Variants in HLTF observed in about 807,000 individuals in gnomAD.
The protein encoded by HLTF is DNA-dependent ATPase/E3 ubiquitin-protein ligase HLTF.
In HLTF, 127 loss-of-function variants were observed where a neutral mutation model predicts 129.4. The observed-to-expected ratio is 0.98, with a 90% CI of 0.85 to 1.14. The LOEUF is 1.14. Among genes scored for constraint, HLTF ranks in the 50% most tolerant of loss-of-function variants. HLTF has a pLI of 0.00. For missense variants in HLTF, 1,139 were observed against 1,187.1 expected (o/e 0.96, Z 0.60); for synonymous variants, 332 against 388.8 (o/e 0.85, Z 1.72).
intron 2 of HLTF, among the ~76,000 whole-genome samples, chr3:149,077,583 A>G (rs944095440): frequency 2.6e-5 from 4 of 151,794 alleles, no homozygotes; most frequent in African/African-American, 9.7e-5. Context: ...AAAGGCTTAT[A>G]AAGAAGAGCT....
intron 12 of HLTF, 107 bp from the exon 13 acceptor site, chr3:149,059,914 G>C: frequency 1.4e-6 from 1 of 693,876 alleles, no homozygotes; most frequent in Non-Finnish European, 2.5e-6. Context: ...ACCCTCTATT[G>C]TAAGAGCTTA....
At chr3:149,074,629 G>A (rs1312469529) in intron 3 of HLTF, among the ~76,000 whole-genome samples, 2 of 152,116 alleles carry the variant, frequency 1.3e-5, no homozygotes, top group Non-Finnish European at 2.9e-5. Flanking sequence ...TGTAATATAA[G>A]TAAAATAAGT....
chr3:149,074,354 A>G lies in HLTF; in HGVS notation c.396-6T>C. The stretch of plus-strand genomic sequence containing the variant: ...TTGCACCAAAAGGAACTACCCTATT[A>G]TATTTGGGAGAAAAAGAAAGGGAAA... On this transcript the variant is annotated splice_region_variant and splice_polypyrimidine_tract_variant and intron_variant, in intron 3 of 24. Coordinates refer to ENST00000310053, the MANE Select transcript of HLTF (RefSeq NM_003071.4). 6 of 1,592,014 alleles carry G rather than the reference A, an allele frequency of 3.8e-6. No homozygotes were observed. Among genetic ancestry groups the G allele is most frequent in the East Asian group, 2.2e-5 (1 of 44,704 alleles).
At chr3:149,074,150 T>G in intron 4 of HLTF, 65 bp downstream of exon 4, 4 of 1,485,542 alleles carry the variant, frequency 2.7e-6, no homozygotes, top group Non-Finnish European at 3.6e-6. Context: ...CAAGAGAGAA[T>G]AAATGTTTCA....
Position 149,076,047 on chromosome 3 carries a change from C to A in HLTF, c.229G>T (p.Val77Phe). The A allele has an allele frequency of 2.5e-6, 3 of 1,193,192 alleles. No homozygotes were observed. Among genetic ancestry groups the A allele is most frequent in the South Asian group, 1.4e-5 (1 of 71,068 alleles). The allele number at this position is 1,193,192 out of a possible 1,614,324, so 73.9% of individuals were successfully genotyped here. The change falls in exon 3 of 25, where the codon GTT (valine) becomes TTT (phenylalanine). Residue 77 changes from valine (V) to phenylalanine (F), a missense_variant and splice_region_variant. Transcript: ENST00000310053. The part of the protein sequence containing the change: ...VVGLRYYTGV[V>F]NNNEMVALQR... ...AATGCAACCATTTCATTATTATTAACCTAATAAAAATGATAAACAGATAAT... is the reference window on the plus strand; with the variant it reads ...AATGCAACCATTTCATTATTATTAAACTAATAAAAATGATAAACAGATAAT...
intron 16 of HLTF, among the ~76,000 whole-genome samples, chr3:149,048,560 A>G (rs1716736451): frequency 6.6e-6 from 1 of 152,194 alleles, no homozygotes; most frequent in South Asian, 2.1e-4. Context: ...GAGGATGGGA[A>G]ACAGAAATCA....
chr3:149,075,782 T>C, intron 3 of HLTF, 99 bp downstream of exon 3: 1 of 660,108 alleles, frequency 1.5e-6, no homozygotes, highest in Non-Finnish European at 2.4e-6. Context: ...GTGATAGAAA[T>C]TGTTAGCATA....
At chr3:149,044,476 C>T (rs1428301176) in intron 18 of HLTF, among the ~76,000 whole-genome samples, 1 of 152,122 alleles carries the variant, frequency 6.6e-6, no homozygotes, top group Non-Finnish European at 1.5e-5. Flanking sequence ...TCCTATTTCA[C>T]CAGCCATTGC....
chr3:149,058,198 A>C (rs1717634830), intron 13 of HLTF, among the ~76,000 whole-genome samples: 1 of 152,192 alleles, frequency 6.6e-6, no homozygotes, highest in Non-Finnish European at 1.5e-5. Context: ...CCCAGGCTCA[A>C]GTAGCTGGGA....
At chr3:149,050,175 T>A (rs1716867033) in intron 15 of HLTF, 57 bp downstream of exon 15, 1 of 1,158,104 alleles carries the variant, frequency 8.6e-7, no homozygotes, top group Non-Finnish European at 1.2e-6. Flanking sequence ...TAGAAACCTG[T>A]GGCATATTTC....
At chr3:149,073,853 C>T (rs1039086941) in intron 4 of HLTF, among the ~76,000 whole-genome samples, 10 of 152,090 alleles carry the variant, frequency 6.6e-5, no homozygotes, top group Admixed American at 3.3e-4. Context: ...CCTTTTCATT[C>T]GCTATCAGAA....
At position 149,068,255 on chromosome 3, in the gene HLTF, CT is replaced by C; in HGVS notation, c.974del (p.Lys325ArgfsTer4). Reference sequence around the variant, plus strand: ...ACTACTTTACCTTCTTCAGTAGATTCTTTTTAACTCTTTCAATAGGAAGAGG... The same window carrying C: ...ACTACTTTACCTTCTTCAGTAGATTCTTTTAACTCTTTCAATAGGAAGAGG... ...GRPLPIERVK[K>X]NLLKKEYNVN... On this transcript the variant is annotated frameshift_variant, in exon 8 of 25. Coordinates refer to ENST00000310053, the MANE Select transcript of HLTF (RefSeq NM_003071.4). LOFTEE classifies it high-confidence loss of function. The C allele has an allele frequency of 6.6e-7, 1 of 1,521,282 alleles. No homozygotes were observed. The highest frequency in any genetic ancestry group is 9.1e-7 in the Non-Finnish European group (1 of 1,102,870). 94.2% of individuals were successfully genotyped at this position (1,521,282 alleles called of 1,614,324 possible). A position where few individuals can be genotyped will look rare whatever the true frequency, so the allele number is the denominator to read the frequency against.
chr3:149,061,729 A>T (rs956461749), intron 10 of HLTF, among the ~76,000 whole-genome samples: 1 of 151,348 alleles, frequency 6.6e-6, no homozygotes, highest in East Asian at 2.0e-4. Context: ...CTAGCTGCTC[A>T]GGAGGCTGAG....
At chr3:149,040,670 T>C (rs1353251142) in intron 20 of HLTF, among the ~76,000 whole-genome samples, 5 of 152,188 alleles carry the variant, frequency 3.3e-5, no homozygotes, top group Non-Finnish European at 5.9e-5. Flanking sequence ...ATATCTTAAA[T>C]AACTATATAT....
intron 22 of HLTF, 72 bp from the exon 23 acceptor site, chr3:149,039,301 C>T: frequency 9.4e-7 from 1 of 1,067,232 alleles, no homozygotes; most frequent in Admixed American, 3.5e-5. Flanking sequence ...TAAGTAACTA[C>T]AAATCTCTTC....
chr3:149,077,403 G>C (rs1176179282), intron 2 of HLTF, among the ~76,000 whole-genome samples: 2 of 152,046 alleles, frequency 1.3e-5, no homozygotes, highest in African/African-American at 4.8e-5. Flanking sequence ...TTATTCTCCT[G>C]AAGTTCCCCG....
At chr3:149,054,982 A>T (rs150582629) in intron 14 of HLTF, among the ~76,000 whole-genome samples, 150 of 152,366 alleles carry the variant, frequency 9.8e-4, no homozygotes, top group East Asian at 1.3e-3. Context: ...CAGTTCCAAC[A>T]GTCAATCTGT....
chr3:149,053,939 C>A (rs138564813), intron 14 of HLTF, among the ~76,000 whole-genome samples: 2,028 of 152,050 alleles, frequency 0.013, 53 homozygotes, highest in African/African-American at 0.047. Context: ...AGAACAGTTT[C>A]GTTGGAATAA....
intron 8 of HLTF, among the ~76,000 whole-genome samples, chr3:149,066,814 A>T (rs1310572973): frequency 6.6e-6 from 1 of 152,186 alleles, no homozygotes; most frequent in Non-Finnish European, 1.5e-5. Flanking sequence ...GACATAAAAC[A>T]TTAGGTTGCT....
Sources: gnomAD v4.1 joint callset for allele counts (sites outside exome capture counted in the v4.1 genomes callset) on GRCh38, gnomAD v4.1.1 for gene constraint, MANE v1.5 for transcripts, NCBI Gene and HGNC (gene_info 2026-07-23, HGNC 2026-07-21) for gene names.